RNF144A: variants seen among roughly 807,000 people sequenced by gnomAD.
RNF144A encodes the protein ring finger protein 144A.
In RNF144A, 11 loss-of-function variants were observed where a neutral mutation model predicts 38.7. The ratio of observed to expected loss-of-function variants is 0.28; its 90% confidence interval spans 0.18 to 0.47. The LOEUF (loss-of-function observed/expected upper bound fraction) is 0.47. Ranked by LOEUF, RNF144A falls within the 20% of genes least tolerant of loss-of-function variation. The pLI, the probability that RNF144A is intolerant of heterozygous loss-of-function variation, is 0.99. For synonymous variants in RNF144A, 149 were observed against 143.9 expected, an observed-to-expected ratio of 1.04 and a Z score of -0.25; for missense variants, 316 against 377.2, an observed-to-expected ratio of 0.84 and a Z score of 1.34.
downstream of RNF144A, chr2:7,068,306 A>G (rs1343940720): frequency 2.5e-6 from 3 of 1,182,686 alleles, no homozygotes; most frequent in African/African-American, 4.8e-5. Flanking sequence ...CATTTTAAAG[A>G]TAAGATTAAT....
chr2:6,969,431 G>T (rs939146503), intron 2 of RNF144A, among the ~76,000 whole-genome samples: 1 of 152,122 alleles, frequency 6.6e-6, no homozygotes, highest in African/African-American at 2.4e-5. Flanking sequence ...AGAGGGGCCT[G>T]GAGCAGATCC....
At chr2:6,959,297 A>T in intron 2 of RNF144A, among the ~76,000 whole-genome samples, 1 of 152,210 alleles carries the variant, frequency 6.6e-6, no homozygotes, top group East Asian at 1.9e-4. Flanking sequence ...GACTTTAAAA[A>T]GGAAGCAGAG....
chr2:7,016,614 GT>G (rs55964355), intron 5 of RNF144A, among the ~76,000 whole-genome samples: 4,788 of 148,534 alleles, frequency 0.032, 178 homozygotes, highest in East Asian at 0.11. Flanking sequence ...TATGTTCAAA[GT>G]TTTTTTTTTT....
chr2:7,072,620 C>A (rs1674523526), downstream of RNF144A, among the ~76,000 whole-genome samples: 1 of 152,198 alleles, frequency 6.6e-6, no homozygotes, highest in Non-Finnish European at 1.5e-5. Context: ...TATCCTGCCA[C>A]AGAATATTAC....
At chr2:7,016,123 G>C (rs796206601) in intron 5 of RNF144A, among the ~76,000 whole-genome samples, 2 of 124,534 alleles carry the variant, frequency 1.6e-5, no homozygotes, top group Admixed American at 1.6e-4. Context: ...AAAAAAAAAA[G>C]AAAGAAAAAG....
intron 1 of RNF144A, among the ~76,000 whole-genome samples, chr2:6,926,542 A>G (rs1054294508): frequency 8.5e-5 from 13 of 152,188 alleles, no homozygotes; most frequent in Non-Finnish European, 1.9e-4. Flanking sequence ...TGCGGCTTCA[A>G]GGTTGCAGGT....
intron 2 of RNF144A, among the ~76,000 whole-genome samples, chr2:6,957,150 C>T (rs1256181567): frequency 6.6e-6 from 1 of 152,186 alleles, no homozygotes; most frequent in African/African-American, 2.4e-5. Context: ...CCAGTGTCTG[C>T]AGGAAGCTCT....
intron 6 of RNF144A, among the ~76,000 whole-genome samples, chr2:7,064,050 G>A (rs1181882034): frequency 6.6e-6 from 1 of 152,166 alleles, no homozygotes; most frequent in Non-Finnish European, 1.5e-5. Flanking sequence ...CACCACAGGG[G>A]CTGGACTGGC....
intron 1 of RNF144A, among the ~76,000 whole-genome samples, chr2:6,936,244 C>T (rs373427608): frequency 1.3e-5 from 2 of 152,200 alleles, no homozygotes; most frequent in African/African-American, 4.8e-5. Context: ...ATAGCACGTC[C>T]TTTCTTTACC....
rs1286075309 is a variant in RNF144A, at chr2:6,970,759, A to G, written c.-11-26157A>G. Among the ~76,000 whole-genome samples the G allele has an allele frequency of 2.0e-5, 3 of 152,198 alleles. No homozygotes were observed. In the East Asian group the frequency reaches 5.8e-4, roughly 29 times the overall value. On this transcript the variant is annotated intron_variant, in intron 2 of 8. Transcript: ENST00000320892. ...CACACCCTCGGCCACCAGCTTCACC[A>G]GGCAGTGACTTGCACCTGCTTTCTG...
intron 7 of RNF144A, among the ~76,000 whole-genome samples, chr2:7,025,282 T>A (rs1437507842): frequency 1.3e-5 from 2 of 152,244 alleles, no homozygotes; most frequent in Non-Finnish European, 2.9e-5. Flanking sequence ...TAGCTTCTCA[T>A]TCTCCTTCCT....
At chr2:6,976,353 T>C (rs1291290451) in intron 2 of RNF144A, among the ~76,000 whole-genome samples, 1 of 152,178 alleles carries the variant, frequency 6.6e-6, no homozygotes, top group Non-Finnish European at 1.5e-5. Flanking sequence ...TTCTTATAAT[T>C]GTGTTTGTTT....
At chr2:7,058,050 A>C (rs567446542) in intron 6 of RNF144A, among the ~76,000 whole-genome samples, 7 of 152,320 alleles carry the variant, frequency 4.6e-5, no homozygotes, top group South Asian at 2.1e-4. Flanking sequence ...TCCTCACAAC[A>C]TGAAAGAGGC....
intron 2 of RNF144A, among the ~76,000 whole-genome samples, chr2:6,964,980 TA>T (rs538947212): frequency 6.6e-6 from 1 of 151,406 alleles, no homozygotes; most frequent in African/African-American, 2.4e-5. Context: ...ATAATAAAAA[TA>T]AAAAAAAGAG....
chr2:7,040,654 A>T lies in RNF144A; in HGVS notation c.*894A>T, dbSNP rs971149657. 1 of 985,344 alleles carries T rather than the reference A, an allele frequency of 1.0e-6. No homozygotes were observed. Among genetic ancestry groups the T allele is most frequent in the African/African-American group, 1.7e-5 (1 of 57,246 alleles). The allele number at this position is 985,344 out of a possible 1,614,324, so 61.0% of individuals were successfully genotyped here. A position where few individuals can be genotyped will look rare whatever the true frequency, so the allele number is the denominator to read the frequency against. ...TTGCTCGGCAATGGTTCTCCTCCGAATTGCTGCCGTCTGGCCTCTGGCCTC... is the reference window on the plus strand; with the variant it reads ...TTGCTCGGCAATGGTTCTCCTCCGATTTGCTGCCGTCTGGCCTCTGGCCTC... On this transcript the variant is annotated 3_prime_UTR_variant, in exon 9 of 9. Coordinates refer to ENST00000320892, the MANE Select transcript of RNF144A (RefSeq NM_014746.6).
At position 7,039,820 on chromosome 2, in the gene RNF144A, T is replaced by C. The variant is rs1333394387; in HGVS notation, c.*60T>C. 28 of 1,461,710 alleles carry C rather than the reference T, an allele frequency of 1.9e-5. No individual in the cohort carries two copies. The highest frequency in any genetic ancestry group is 1.1e-5 in the Non-Finnish European group (12 of 1,052,146). The allele number at this position is 1,461,710 out of a possible 1,614,324, so 90.5% of individuals were successfully genotyped here. On this transcript the variant is annotated 3_prime_UTR_variant, in exon 9 of 9. Transcript: ENST00000320892. The stretch of plus-strand genomic sequence containing the variant: ...GGGAAGTGTGGCTCTCCCCCAACCC[T>C]CCCCACCGTCCCCCCTTCACTAAAC...
At chr2:7,045,084 T>C (rs772690091), downstream of RNF144A, among the ~76,000 whole-genome samples, 1 of 152,258 alleles carries the variant, frequency 6.6e-6, no homozygotes, top group Non-Finnish European at 1.5e-5. Flanking sequence ...GAGCTCGCTC[T>C]TGTAGACAAG....
chr2:6,935,992 C>A (rs995784868), intron 1 of RNF144A, among the ~76,000 whole-genome samples: 4 of 152,220 alleles, frequency 2.6e-5, no homozygotes, highest in Admixed American at 2.0e-4. Context: ...TTGGGAGGTA[C>A]CTTCAATATC....
Position 6,996,960 on chromosome 2 carries a change from C to T in RNF144A, c.34C>T (p.Leu12=). 6.2e-7 allele frequency: 1 copy of T among 1,614,030 alleles called. No individual in the cohort carries two copies. Among genetic ancestry groups the T allele is most frequent in the Non-Finnish European group, 8.5e-7 (1 of 1,179,912 alleles). Residue 12 remains leucine (L), a synonymous_variant, in exon 3 of 9, where the codon CTG becomes TTG. Coordinates refer to ENST00000320892, the MANE Select transcript of RNF144A (RefSeq NM_014746.6). Reference sequence around the variant, plus strand: ...AACAAGGTACCGGCCCACCTGGGACCTGGCCCTCGACCCGCTGGTGTCTTG... The same window carrying T: ...AACAAGGTACCGGCCCACCTGGGACTTGGCCCTCGACCCGCTGGTGTCTTG... ...TTTRYRPTWD[L]ALDPLVSCKL...
Sources: gnomAD v4.1 joint callset for allele counts (sites outside exome capture counted in the v4.1 genomes callset) on GRCh38, gnomAD v4.1.1 for gene constraint, MANE v1.5 for transcripts, NCBI Gene and HGNC (gene_info 2026-07-23, HGNC 2026-07-21) for gene names.